DPP6: variants seen among roughly 807,000 people sequenced by gnomAD.
The protein encoded by DPP6 is dipeptidyl peptidase like 6.
Under a neutral mutation model 122.6 loss-of-function variants are expected in DPP6, and 69 were observed. The observed-to-expected ratio is 0.56, with a 90% CI of 0.46 to 0.69. The LOEUF is 0.69. DPP6 is among the 30% of genes least tolerant of loss of function. The pLI is 0.00. For missense variants in DPP6, 928 were observed against 1,116.9 expected (o/e 0.83, Z 2.41); for synonymous variants, 418 against 433.1 (o/e 0.97, Z 0.43).
chr7:154,165,848 A>G (rs1409131520), intron 1 of DPP6, among the ~76,000 whole-genome samples: 4 of 152,232 alleles, frequency 2.6e-5, no homozygotes, highest in African/African-American at 9.6e-5. Context: ...GAAACTGGGT[A>G]TTTTATTCCT....
chr7:153,808,249 G>A, the DPP6 span, among the ~76,000 whole-genome samples: 3 of 151,228 alleles, frequency 2.0e-5, no homozygotes, highest in East Asian at 1.9e-4. Flanking sequence ...GTGTGTGCAC[G>A]TGCGTGCGTG....
At chr7:154,169,698 A>G (rs1797438577) in intron 1 of DPP6, among the ~76,000 whole-genome samples, 1 of 152,174 alleles carries the variant, frequency 6.6e-6, no homozygotes, top group South Asian at 2.1e-4. Context: ...ATCTTGTCCA[A>G]GGTCCTGTAA....
At chr7:153,848,641 A>C in the DPP6 span, among the ~76,000 whole-genome samples, 2 of 152,202 alleles carry the variant, frequency 1.3e-5, no homozygotes, top group Non-Finnish European at 2.9e-5. Flanking sequence ...TTTTTAAAAA[A>C]TTTCCCAGAG....
At chr7:154,762,516 TGCCCCACG>T (rs1795621064) in intron 8 of DPP6, among the ~76,000 whole-genome samples, 1 of 152,248 alleles carries the variant, frequency 6.6e-6, no homozygotes, top group Non-Finnish European at 1.5e-5. Context: ...GGCAGCTGTG[TGCCCCACG>T]GCCTTCCGCA....
intron 4 of DPP6, among the ~76,000 whole-genome samples, chr7:154,545,460 C>CTCCT (rs1259827599): frequency 2.2e-5 from 3 of 139,294 alleles, no homozygotes; most frequent in Non-Finnish European, 4.6e-5. Context: ...TCACTCCTCC[C>CTCCT]TCCCTCCCTC....
intron 3 of DPP6, among the ~76,000 whole-genome samples, chr7:154,538,293 A>G (rs915826880): frequency 5.9e-5 from 9 of 152,128 alleles, no homozygotes; most frequent in African/African-American, 1.7e-4. Context: ...GGTTTGTAGC[A>G]TAGGTAAATG....
the DPP6 span, among the ~76,000 whole-genome samples, chr7:153,829,374 C>A: frequency 2.0e-5 from 3 of 152,054 alleles, no homozygotes; most frequent in Non-Finnish European, 2.9e-5. Flanking sequence ...TGCCACCATG[C>A]CTGGCTAATT....
chr7:154,873,630 G>A (rs1465164392), intron 19 of DPP6, among the ~76,000 whole-genome samples: 5 of 152,168 alleles, frequency 3.3e-5, no homozygotes, highest in Non-Finnish European at 5.9e-5. Flanking sequence ...ACGCCCCAGG[G>A]CACAGATTCC....
At chr7:154,579,070 C>T (rs1831873871) in intron 5 of DPP6, among the ~76,000 whole-genome samples, 1 of 152,126 alleles carries the variant, frequency 6.6e-6, no homozygotes, top group Non-Finnish European at 1.5e-5. Flanking sequence ...AAAAATCTGC[C>T]AGGTGCAGTG....
At chr7:153,806,129 A>G in the DPP6 span, among the ~76,000 whole-genome samples, 1 of 151,860 alleles carries the variant, frequency 6.6e-6, no homozygotes, top group East Asian at 1.9e-4. Context: ...TGATCAGAAC[A>G]TTAAGGTGCC....
intron 21 of DPP6, chr7:154,884,159 C>T (rs62649273): frequency 0.31 from 43,780 of 140,960 alleles, 7,129 homozygotes; most frequent in East Asian, 0.49. Flanking sequence ...TGCTCATACA[C>T]GTTTACCCAT....
chr7:154,053,617 A>G (rs2533728), intron 1 of DPP6, among the ~76,000 whole-genome samples: 2 of 151,286 alleles, frequency 1.3e-5, no homozygotes, highest in Non-Finnish European at 2.9e-5. Flanking sequence ...AGCGGTGGTG[A>G]TGGTGATTAT....
chr7:154,125,790 A>G (rs1807839184), intron 1 of DPP6, among the ~76,000 whole-genome samples: 1 of 152,190 alleles, frequency 6.6e-6, no homozygotes, highest in African/African-American at 2.4e-5. Flanking sequence ...AGAAGAACCT[A>G]GAGTTAATGG....
At chr7:154,058,492 C>A (rs1287197326) in intron 1 of DPP6, 1 of 141,122 alleles carries the variant, frequency 7.1e-6, no homozygotes, top group African/African-American at 2.7e-5. Context: ...GGGGAGGCAC[C>A]CTCCGCGAGG....
At chr7:154,015,881 A>T (rs1323949414) in intron 1 of DPP6, among the ~76,000 whole-genome samples, 1 of 152,038 alleles carries the variant, frequency 6.6e-6, no homozygotes, top group Non-Finnish European at 1.5e-5. Context: ...AGTCAGATCC[A>T]TCACCCCCTG....
intron 1 of DPP6, among the ~76,000 whole-genome samples, chr7:154,125,411 AAGT>A (rs144577252): frequency 0.012 from 1,817 of 152,342 alleles, 85 homozygotes; most frequent in Admixed American, 0.085. Context: ...GTTAAATAAA[AAGT>A]AGTCGCATTA....
At chr7:154,139,498 C>G (rs914472090) in intron 1 of DPP6, among the ~76,000 whole-genome samples, 3 of 150,908 alleles carry the variant, frequency 2.0e-5, no homozygotes, top group Admixed American at 2.0e-4. Context: ...CTTCTGGAAA[C>G]ATCCTCATAG....
chr7:154,055,943 T>C (rs986045557), intron 1 of DPP6: 5 of 152,212 alleles, frequency 3.3e-5, no homozygotes, highest in African/African-American at 1.2e-4. Flanking sequence ...TTGAGAAATA[T>C]AGTTCTTGGC....
chr7:154,534,618 C>T lies in DPP6; in HGVS notation c.458-5914C>T. Among the ~76,000 whole-genome samples, 2 of 151,942 alleles carry T rather than the reference C, an allele frequency of 1.3e-5. 1 individual carries two copies. Among genetic ancestry groups the T allele is most frequent in the Admixed American group, 1.3e-4 (2 of 15,252 alleles). On this transcript the variant is annotated intron_variant, in intron 3 of 25. Coordinates refer to ENST00000377770, the MANE Select transcript of DPP6 (RefSeq NM_130797.4). ...TGAAATTAAACAGTAATACCATTTA[C>T]AATGAAAAAATATTGGGAAATTTTG... is the stretch of plus-strand genomic sequence containing the variant.
Sources: allele counts gnomAD v4.1 joint callset (sites outside exome capture counted in the v4.1 genomes callset), GRCh38; gene constraint gnomAD v4.1.1; transcripts MANE v1.5; gene names NCBI Gene and HGNC (gene_info 2026-07-23, HGNC 2026-07-21).